The following CNTN2 variants were observed in gnomAD, a reference collection of about 807,000 sequenced individuals.
CNTN2 encodes contactin-2.
Under a neutral mutation model 117.5 loss-of-function variants are expected in CNTN2, and 53 were observed. The observed-to-expected ratio is 0.45, with a 90% confidence interval of 0.36 to 0.57. The LOEUF (loss-of-function observed/expected upper bound fraction) is 0.57. Ranked by LOEUF, CNTN2 falls within the 20% of genes least tolerant of loss-of-function variation. The pLI, the probability that CNTN2 is intolerant of heterozygous loss-of-function variation, is 0.00. For synonymous variants in CNTN2, 530 were observed against 561.7 expected, an observed-to-expected ratio of 0.94 and a Z score of 0.80; for missense variants, 1,106 against 1,404.3, an observed-to-expected ratio of 0.79 and a Z score of 3.39.
chr1:205,062,562 C>T lies in CNTN2; in HGVS notation c.1233C>T (p.Ala411=), dbSNP rs748305651. Residue 411 remains alanine, a synonymous_variant, in exon 10 of 23, where the codon GCC becomes GCT. Transcript: ENST00000331830. ...CCATCTACGCCAGCGCCGAGCTAGC[C>T]GTGCAAGGTAAGGGGCCCAGGGAGG... ...HGTIYASAEL[A]VQALAPDFRL... is the part of the protein sequence containing the mutation. The T allele has an allele frequency of 9.3e-6, 15 of 1,612,634 alleles. No individual in the cohort carries two copies. Among genetic ancestry groups the T allele is most frequent in the Admixed American group, 6.7e-5 (4 of 59,818 alleles).
At chr1:205,056,956 G>A (rs1008852068) in intron 2 of CNTN2, among the ~76,000 whole-genome samples, 1 of 152,176 alleles carries the variant, frequency 6.6e-6, no homozygotes, top group African/African-American at 2.4e-5. Flanking sequence ...GGGTGACCAT[G>A]GGCAAGTCAC....
chr1:205,059,473 C>A lies in CNTN2; in HGVS notation c.698-110C>A. On this transcript the variant is annotated intron_variant, in intron 6 of 22. Coordinates refer to ENST00000331830, the MANE Select transcript of CNTN2 (RefSeq NM_005076.5). This position sits in a 1 kb window ranked among gnomAD's most constrained non-coding sequence, Gnocchi z 5.6. ...CCTTGCCCCAGGCCTCAAGGAGATT[C>A]CACACAGCTGCCTAGACAGAGTTGG... 1 of 1,245,758 alleles carries A rather than the reference C, an allele frequency of 8.0e-7. No individual in the cohort carries two copies. The highest frequency in any genetic ancestry group is 1.2e-6 in the Non-Finnish European group (1 of 858,278). 77.2% of individuals were successfully genotyped at this position (1,245,758 alleles called of 1,614,324 possible).
At chr1:205,069,753 G>A in intron 17 of CNTN2, 74 bp from the exon 18 acceptor site, 2 of 1,533,280 alleles carry the variant, frequency 1.3e-6, no homozygotes, top group Non-Finnish European at 1.8e-6. Flanking sequence ...TCTTGGCAAA[G>A]GTTGGGTGGG....
chr1:205,066,967 G>A, intron 15 of CNTN2, 134 bp from the exon 16 acceptor site: 1 of 1,115,666 alleles, frequency 9.0e-7, no homozygotes. Context: ...TCTGAAAAAG[G>A]TACTGAGTGC....
Position 205,065,715 on chromosome 1 carries a change from T to A in CNTN2, c.1696-74T>A. The stretch of plus-strand genomic sequence containing the variant: ...GAGTAGGGGACTCCCAAGCGCTGCC[T>A]CATGTCTCATGGCCTGCTGCACTGG... On this transcript the variant is annotated intron_variant, in intron 13 of 22. Transcript: ENST00000331830. This position sits in a 1 kb window ranked among gnomAD's most constrained non-coding sequence, Gnocchi z 4.1. 1.8e-6 allele frequency: 1 copy of A among 557,894 alleles called. No individual in the cohort carries two copies. The highest frequency in any genetic ancestry group is 3.3e-6 in the Non-Finnish European group (1 of 306,932). The allele number at this position is 557,894 out of a possible 1,614,324, so 34.6% of individuals were successfully genotyped here. A position where few individuals can be genotyped will look rare whatever the true frequency, so the allele number is the denominator to read the frequency against.
Position 205,058,822 on chromosome 1 carries a change from G to C in CNTN2, c.487+159G>C. The C allele has an allele frequency of 1.5e-6, 1 of 680,866 alleles. No homozygotes were observed. The highest frequency in any genetic ancestry group is 1.8e-5 in the African/African-American group (1 of 55,364). 42.2% of individuals were successfully genotyped at this position (680,866 alleles called of 1,614,324 possible). ...TAAATGATCTGTGTTTCCTTTATAG[G>C]TCTGTCACTTTCCATCGTTGTGCCC... On this transcript the variant is annotated intron_variant, in intron 5 of 22. Coordinates refer to ENST00000331830, the MANE Select transcript of CNTN2 (RefSeq NM_005076.5). This position sits in a 1 kb window ranked among gnomAD's most constrained non-coding sequence, Gnocchi z 4.3.
chr1:205,061,639 C>G lies in CNTN2; in HGVS notation c.973+219C>G. ...GGGTGCAGAAAGCACACAGGAGGCT[C>G]CAGAATGATTTAAGTTGCAAAAGCA... On this transcript the variant is annotated intron_variant, in intron 8 of 22. Coordinates refer to ENST00000331830, the MANE Select transcript of CNTN2 (RefSeq NM_005076.5). This position sits in a 1 kb window ranked among gnomAD's most constrained non-coding sequence, Gnocchi z 4.8. 1 of 766,216 alleles carries G rather than the reference C, an allele frequency of 1.3e-6. No individual in the cohort carries two copies. The highest frequency in any genetic ancestry group is 3.2e-5 in the Admixed American group (1 of 31,342). 47.5% of individuals were successfully genotyped at this position (766,216 alleles called of 1,614,324 possible).
intron 2 of CNTN2, among the ~76,000 whole-genome samples, chr1:205,055,237 C>T (rs1275061745): frequency 6.6e-6 from 1 of 152,180 alleles, no homozygotes; most frequent in Middle Eastern, 3.2e-3. Context: ...TGGTCTCGAA[C>T]TCTCGAGCTC....
At chr1:205,072,620 A>C in intron 21 of CNTN2, 25 bp downstream of exon 21, 2 of 1,542,132 alleles carry the variant, frequency 1.3e-6, no homozygotes, top group Non-Finnish European at 1.8e-6. Context: ...AGCTAGGCCC[A>C]GAATGGGAAG....
chr1:205,069,699 T>C, intron 17 of CNTN2, 128 bp from the exon 18 acceptor site: 1 of 1,403,822 alleles, frequency 7.1e-7, no homozygotes, highest in East Asian at 2.3e-5. Flanking sequence ...CCGCTGCCCC[T>C]TACGCGAATC....
chr1:205,058,970 C>A lies in CNTN2; in HGVS notation c.488-114C>A. 1.1e-6 allele frequency: 1 copy of A among 917,484 alleles called. No individual in the cohort carries two copies. The highest frequency in any genetic ancestry group is 1.7e-6 in the Non-Finnish European group (1 of 583,122). 56.8% of individuals were successfully genotyped at this position (917,484 alleles called of 1,614,324 possible). ...GTCTCCCCTTAGCCCCAGTTCAGAG[C>A]ATGGTGGCTGTCAGGACAGGGCTTG... On this transcript the variant is annotated intron_variant, in intron 5 of 22. Coordinates refer to ENST00000331830, the MANE Select transcript of CNTN2 (RefSeq NM_005076.5). This position sits in a 1 kb window ranked among gnomAD's most constrained non-coding sequence, Gnocchi z 4.3.
Position 205,073,431 on chromosome 1 carries a change from A to G in CNTN2, c.3013+195A>G, listed in dbSNP as rs1399659531. On this transcript the variant is annotated intron_variant, in intron 22 of 22. Transcript: ENST00000331830. The surrounding 1 kb of genome is among the most constrained non-coding windows in gnomAD (Gnocchi z 6.3). ...CTACCCAGCCCCCAGAACATCCCCG[A>G]GGGCCAGGGAAGGGCGCAGGGTGCA... is the stretch of plus-strand genomic sequence containing the variant. 1.5e-5 allele frequency: 12 copies of G among 792,434 alleles called. No homozygotes were observed. Among genetic ancestry groups the G allele is most frequent in the African/African-American group, 8.7e-5 (5 of 57,478 alleles). 49.1% of individuals were successfully genotyped at this position (792,434 alleles called of 1,614,324 possible).
At chr1:205,069,649 G>A (rs1654482376) in intron 17 of CNTN2, 88 bp downstream of exon 17, 3 of 1,484,198 alleles carry the variant, frequency 2.0e-6, no homozygotes, top group African/African-American at 2.8e-5. Context: ...GCACAGCTCT[G>A]ACTCAAACGC....
At position 205,066,550 on chromosome 1, in the gene CNTN2, C is replaced by A. The variant is rs747563076; in HGVS notation, c.1926C>A (p.Thr642=). 3.7e-6 allele frequency: 6 copies of A among 1,614,070 alleles called. No homozygotes were observed. Among genetic ancestry groups the A allele is most frequent in the Non-Finnish European group, 4.2e-6 (5 of 1,180,030 alleles). ...ACCACAGCCCCATCGCTAAGTACAC[C>A]CTGCAAGCTCGCACTCCACCTGCAG... ...FDNHSPIAKY[T]LQARTPPAGK... The change falls in exon 15 of 23, where the codon ACC becomes ACA. Residue 642 remains threonine (T), a synonymous_variant. Coordinates refer to ENST00000331830, the MANE Select transcript of CNTN2 (RefSeq NM_005076.5).
chr1:205,047,521 TC>T (rs1416706834), intron 1 of CNTN2, among the ~76,000 whole-genome samples: 5 of 152,226 alleles, frequency 3.3e-5, no homozygotes, highest in East Asian at 3.9e-4. Flanking sequence ...GGAGTGCCTG[TC>T]CTGGCCGCGT....
Position 205,075,592 on chromosome 1 carries a change from T to A in CNTN2, c.*1827T>A, listed in dbSNP as rs925263964. 6.5e-6 allele frequency: 1 copy of A among 152,680 alleles called. No individual in the cohort carries two copies. The highest frequency in any genetic ancestry group is 1.5e-5 in the Non-Finnish European group (1 of 68,058). 9.5% of individuals were successfully genotyped at this position (152,680 alleles called of 1,614,324 possible). On this transcript the variant is annotated 3_prime_UTR_variant, in exon 23 of 23. Transcript: ENST00000331830. ...TTAAACTTTTAAGTCCTGCTCTATTTTCCTGGGCAGGTTTATGTTGATGTT... is the reference window on the plus strand; with the variant it reads ...TTAAACTTTTAAGTCCTGCTCTATTATCCTGGGCAGGTTTATGTTGATGTT...
Position 205,057,766 on chromosome 1 carries a change from G to A in CNTN2, c.71-155G>A, listed in dbSNP as rs540170397. On this transcript the variant is annotated intron_variant, in intron 2 of 22. Coordinates refer to ENST00000331830, the MANE Select transcript of CNTN2 (RefSeq NM_005076.5). The stretch of plus-strand genomic sequence containing the variant: ...CGCAATAGCCACATGTCAAGTGCTC[G>A]ATAGCCCTACGTGGCTAGTGGTTAC... 172 of 707,348 alleles carry A rather than the reference G, an allele frequency of 2.4e-4. No homozygotes were observed. In the African/African-American group the frequency reaches 2.5e-3, roughly 10 times the overall value. The allele number at this position is 707,348 out of a possible 1,614,324, so 43.8% of individuals were successfully genotyped here.
intron 2 of CNTN2, 147 bp from the exon 3 acceptor site, chr1:205,057,774 T>C: frequency 1.3e-6 from 1 of 798,408 alleles, no homozygotes; most frequent in Non-Finnish European, 2.0e-6. Context: ...TCGATAGCCC[T>C]ACGTGGCTAG....
rs2151203714 is a variant in CNTN2 at position 205,077,332 on chromosome 1, T to G, written c.*3567T>G. Reference sequence around the variant, plus strand: ...AGAGCCCAAAATGGCTAGGAATGTTTGACTCCCTTAATCTCTTCCCCAGCT... The same window carrying G: ...AGAGCCCAAAATGGCTAGGAATGTTGGACTCCCTTAATCTCTTCCCCAGCT... On this transcript the variant is annotated 3_prime_UTR_variant, in exon 23 of 23. Coordinates refer to ENST00000331830, the MANE Select transcript of CNTN2 (RefSeq NM_005076.5). 6.6e-6 allele frequency: 1 copy of G among 152,410 alleles called. No homozygotes were observed. Among genetic ancestry groups the G allele is most frequent in the East Asian group, 1.9e-4 (1 of 5,186 alleles). 9.4% of individuals were successfully genotyped at this position (152,410 alleles called of 1,614,324 possible).
Sources: gnomAD v4.1 joint callset for allele counts (sites outside exome capture counted in the v4.1 genomes callset) on GRCh38, gnomAD v4.1.1 for gene constraint, Gnocchi (gnomAD v3.1) non-coding constraint, MANE v1.5 for transcripts, NCBI Gene and HGNC (gene_info 2026-07-23, HGNC 2026-07-21) for gene names.